MBTPS1: variants seen among roughly 807,000 people sequenced by gnomAD.
MBTPS1 encodes the protein membrane-bound transcription factor site-1 protease.
A neutral mutation model predicts 127.8 loss-of-function variants in MBTPS1; 94 were observed. That is an observed-to-expected ratio of 0.74 (90% CI 0.62 to 0.87). The LOEUF is 0.87. MBTPS1 is among the 40% of genes least tolerant of loss of function. The probability of loss-of-function intolerance (pLI) is 0.00; values close to 1 mark genes in which losing one functional copy is unlikely to be tolerated. For missense variants in MBTPS1, 1,636 were observed against 1,353.2 expected (o/e 1.21, Z -3.28); for synonymous variants, 632 against 509.4 (o/e 1.24, Z -3.24).
At chr16:84,068,517 G>C in intron 14 of MBTPS1, 63 bp from the exon 15 acceptor site, 1 of 1,185,664 alleles carries the variant, frequency 8.4e-7, no homozygotes. Flanking sequence ...AGGCATATCT[G>C]GCCACAGGGC....
chr16:84,055,713 C>A (rs888950626), intron 22 of MBTPS1, among the ~76,000 whole-genome samples: 2 of 152,208 alleles, frequency 1.3e-5, no homozygotes, highest in South Asian at 4.1e-4. Flanking sequence ...TCATAAAGAG[C>A]GTGCAAGTTA....
chr16:84,069,947 C>G lies in MBTPS1; in HGVS notation c.1874G>C (p.Trp625Ser). ...ATAGCGGAGGTTGTGGTACTGATCC[C>G]AGAGAACTCTCTTGCTTCGCGGGGG... ...PTPPRSKRVL[W>S]DQYHNLRYPP... Residue 625 changes from tryptophan (W) to serine (S), a missense_variant, in exon 14 of 23, where the codon TGG becomes TCG. By Grantham distance (177) the Trp-to-Ser change is radical. Coordinates refer to ENST00000343411, the MANE Select transcript of MBTPS1 (RefSeq NM_003791.4). 1 of 1,614,012 alleles carries G rather than the reference C, an allele frequency of 6.2e-7. No individual in the cohort carries two copies. The highest frequency in any genetic ancestry group is 8.5e-7 in the Non-Finnish European group (1 of 1,179,936).
intron 12 of MBTPS1, among the ~76,000 whole-genome samples, chr16:84,073,903 G>A (rs955931911): frequency 6.6e-6 from 1 of 152,134 alleles, no homozygotes; most frequent in Non-Finnish European, 1.5e-5. Flanking sequence ...ATACCTGGGA[G>A]GCTGAGCCAG....
chr16:84,093,371 T>G, intron 5 of MBTPS1, 74 bp from the exon 6 acceptor site: 2 of 1,008,826 alleles, frequency 2.0e-6, no homozygotes, highest in South Asian at 2.6e-5. Context: ...TTCCAGGCCA[T>G]GAGTTCCACG....
At chr16:84,081,946 T>G in intron 10 of MBTPS1, 38 bp from the exon 11 acceptor site, 1 of 1,345,308 alleles carries the variant, frequency 7.4e-7, no homozygotes, top group Non-Finnish European at 9.7e-7. Context: ...TTTCTCTCAG[T>G]AAAAGAATGG....
intron 1 of MBTPS1, among the ~76,000 whole-genome samples, chr16:84,103,324 G>A (rs923492721): frequency 6.7e-5 from 10 of 150,154 alleles, no homozygotes; most frequent in African/African-American, 2.2e-4. Context: ...CGCAATCTCT[G>A]CACAGTTCAC....
intron 1 of MBTPS1, among the ~76,000 whole-genome samples, chr16:84,115,911 A>T (rs975196713): frequency 6.7e-6 from 1 of 150,080 alleles, no homozygotes. Flanking sequence ...ATTAAAAAAT[A>T]AGTATAAATA....
chr16:84,065,424 A>C, intron 18 of MBTPS1, among the ~76,000 whole-genome samples: 1 of 152,310 alleles, frequency 6.6e-6, no homozygotes, highest in Non-Finnish European at 1.5e-5. Flanking sequence ...TTTTAAAAGA[A>C]ACCAAAATGT....
At chr16:84,070,517 T>C in intron 13 of MBTPS1, 71 bp downstream of exon 13, 2 of 1,493,298 alleles carry the variant, frequency 1.3e-6, no homozygotes, top group South Asian at 2.3e-5. Flanking sequence ...CCCCAGGCAT[T>C]TGGCCTGTCC....
At position 84,066,455 on chromosome 16, in the gene MBTPS1, C is replaced by T. The variant is rs762572381; in HGVS notation, c.2353+34G>A. On this transcript the variant is annotated intron_variant, in intron 17 of 22. Transcript: ENST00000343411. The stretch of plus-strand genomic sequence containing the variant: ...GAGGTGTAGAGCTTCTGCTCTCACA[C>T]CTAAGACCACGCCCTCAGGAAACAG... The T allele has an allele frequency of 2.3e-5, 37 of 1,610,556 alleles. No individual in the cohort carries two copies. In the South Asian group the frequency reaches 4.0e-4, roughly 17 times the overall value.
chr16:84,069,048 C>T (rs2085731564), intron 14 of MBTPS1, among the ~76,000 whole-genome samples: 1 of 152,214 alleles, frequency 6.6e-6, no homozygotes, highest in South Asian at 2.1e-4. Flanking sequence ...TATGAACTTC[C>T]CACCACTTCC....
intron 3 of MBTPS1, among the ~76,000 whole-genome samples, 187 bp from the exon 4 acceptor site, chr16:84,095,992 T>C (rs1423507997): frequency 1.3e-5 from 2 of 152,184 alleles, no homozygotes; most frequent in Non-Finnish European, 2.9e-5. Context: ...GTTATTTAGC[T>C]GTCATATTAC....
At chr16:84,111,040 C>T (rs1458803616) in intron 1 of MBTPS1, among the ~76,000 whole-genome samples, 1 of 152,218 alleles carries the variant, frequency 6.6e-6, no homozygotes, top group Non-Finnish European at 1.5e-5. Flanking sequence ...ATGGTCCCCA[C>T]AAAGATGCTC....
chr16:84,103,912 A>G (rs2086290309), intron 1 of MBTPS1, among the ~76,000 whole-genome samples: 1 of 152,220 alleles, frequency 6.6e-6, no homozygotes, highest in African/African-American at 2.4e-5. Context: ...AAGAACAACA[A>G]TAACAATGCC....
Position 84,064,355 on chromosome 16 carries a change from C to T in MBTPS1, c.2432-910G>A, listed in dbSNP as rs569313005. Among the ~76,000 whole-genome samples, 20 of 152,152 alleles carry T rather than the reference C, an allele frequency of 1.3e-4. No homozygotes were observed. In the East Asian group the frequency reaches 2.1e-3, roughly 16 times the overall value. On this transcript the variant is annotated intron_variant, in intron 18 of 22. Transcript: ENST00000343411. Reference sequence around the variant, plus strand: ...TCAGGAAAAACTGGAACACATTCACCGCCATTTGCCTTGTGGTATTTGATG... The same window carrying T: ...TCAGGAAAAACTGGAACACATTCACTGCCATTTGCCTTGTGGTATTTGATG...
At chr16:84,070,104 A>G in intron 13 of MBTPS1, 66 bp from the exon 14 acceptor site, 1 of 1,323,178 alleles carries the variant, frequency 7.6e-7, no homozygotes, top group African/African-American at 1.5e-5. Context: ...AGGTTTGAAA[A>G]CATCATTTCT....
intron 12 of MBTPS1, among the ~76,000 whole-genome samples, chr16:84,073,112 T>C (rs1206643885): frequency 6.6e-6 from 1 of 152,230 alleles, no homozygotes; most frequent in Non-Finnish European, 1.5e-5. Context: ...TTAAGAAGTA[T>C]ACTGGTGCCA....
chr16:84,073,093 A>C (rs941198936), intron 12 of MBTPS1, among the ~76,000 whole-genome samples: 3 of 152,256 alleles, frequency 2.0e-5, no homozygotes, highest in South Asian at 2.1e-4. Context: ...ATTTCTATAT[A>C]AACAACCATT....
chr16:84,111,755 G>C (rs2086401058), intron 1 of MBTPS1, among the ~76,000 whole-genome samples: 1 of 152,148 alleles, frequency 6.6e-6, no homozygotes, highest in Non-Finnish European at 1.5e-5. Context: ...CTGTGAGACA[G>C]TAAATTCATG....
Sources: gnomAD v4.1 joint callset for allele counts (sites outside exome capture counted in the v4.1 genomes callset) on GRCh38, gnomAD v4.1.1 for gene constraint, MANE v1.5 for transcripts, NCBI Gene and HGNC (gene_info 2026-07-23, HGNC 2026-07-21) for gene names.